Variants in QTMAN observed in about 807,000 individuals in gnomAD.
The protein encoded by QTMAN is tRNA-queuosine alpha-mannosyltransferase.
At chr2:144,197,319 G>GTATA in the QTMAN span, among the ~76,000 whole-genome samples, 41 of 143,618 alleles carry the variant, frequency 2.9e-4, no homozygotes, top group Admixed American at 6.3e-4. Context: ...GTGTGTGTGT[G>GTATA]TATATATATA....
At chr2:144,224,409 T>A in the QTMAN span, among the ~76,000 whole-genome samples, 4 of 152,266 alleles carry the variant, frequency 2.6e-5, no homozygotes, top group Admixed American at 6.5e-5. Flanking sequence ...TCCGCATGCT[T>A]GGGGATAAAT....
the QTMAN span, among the ~76,000 whole-genome samples, chr2:144,290,539 G>A: frequency 6.6e-6 from 1 of 151,886 alleles, no homozygotes; most frequent in Admixed American, 6.6e-5. Context: ...AAATCCTCTG[G>A]CTTTCCATAT....
the QTMAN span, among the ~76,000 whole-genome samples, chr2:144,051,358 TC>T: frequency 6.6e-6 from 1 of 152,132 alleles, no homozygotes; most frequent in African/African-American, 2.4e-5. Context: ...TGGTGAGACC[TC>T]ATCTCTACAA....
At chr2:144,066,335 A>G in the QTMAN span, among the ~76,000 whole-genome samples, 3 of 152,354 alleles carry the variant, frequency 2.0e-5, no homozygotes, top group South Asian at 6.2e-4. Flanking sequence ...TAGTGAAATG[A>G]ACCTGAAAAC....
At chr2:144,120,550 T>C in the QTMAN span, among the ~76,000 whole-genome samples, 2 of 152,258 alleles carry the variant, frequency 1.3e-5, no homozygotes, top group South Asian at 4.1e-4. Flanking sequence ...AATATCTTTA[T>C]GGATACATAA....
chr2:144,318,188 TAAATA>T, the QTMAN span, among the ~76,000 whole-genome samples: 1 of 132,918 alleles, frequency 7.5e-6, no homozygotes, highest in Non-Finnish European at 1.5e-5. Context: ...CTGCTCTATT[TAAATA>T]AACACACACA....
chr2:144,059,811 G>A, the QTMAN span, among the ~76,000 whole-genome samples: 28 of 151,972 alleles, frequency 1.8e-4, no homozygotes, highest in African/African-American at 3.4e-4. Context: ...TGGAATGCTC[G>A]TCCCCCTATT....
At chr2:143,968,361 T>C in the QTMAN span, among the ~76,000 whole-genome samples, 1 of 152,148 alleles carries the variant, frequency 6.6e-6, no homozygotes, top group Non-Finnish European at 1.5e-5. Flanking sequence ...TGCTGTTCAC[T>C]GTGGAATCCC....
the QTMAN span, among the ~76,000 whole-genome samples, chr2:144,279,050 G>C: frequency 6.6e-6 from 1 of 152,150 alleles, no homozygotes; most frequent in African/African-American, 2.4e-5. Flanking sequence ...CTCAAGTCAA[G>C]TTCAGTGGCA....
chr2:144,233,287 T>C, the QTMAN span, among the ~76,000 whole-genome samples: 1 of 152,158 alleles, frequency 6.6e-6, no homozygotes, highest in African/African-American at 2.4e-5. Context: ...AAAATGCAAC[T>C]GTAAAGAAAA....
At chr2:144,090,320 G>A in the QTMAN span, among the ~76,000 whole-genome samples, 1 of 151,966 alleles carries the variant, frequency 6.6e-6, no homozygotes, top group Non-Finnish European at 1.5e-5. Flanking sequence ...AAAAACGTCT[G>A]CTCTTACTAT....
At chr2:144,039,288 T>A in the QTMAN span, among the ~76,000 whole-genome samples, 1 of 151,918 alleles carries the variant, frequency 6.6e-6, no homozygotes, top group Non-Finnish European at 1.5e-5. Flanking sequence ...CGTCTCCCCC[T>A]CCCCCCTGCT....
At chr2:144,110,539 A>G in the QTMAN span, among the ~76,000 whole-genome samples, 2 of 152,078 alleles carry the variant, frequency 1.3e-5, no homozygotes, top group African/African-American at 4.8e-5. Flanking sequence ...TTAAAGTGTT[A>G]TAAAAAATAA....
chr2:144,251,035 C>T, the QTMAN span, among the ~76,000 whole-genome samples: 2 of 151,800 alleles, frequency 1.3e-5, no homozygotes, highest in African/African-American at 2.4e-5. Flanking sequence ...TTAAAATGAA[C>T]TTATAATGAG....
the QTMAN span, among the ~76,000 whole-genome samples, chr2:144,134,193 G>T: frequency 6.1e-4 from 92 of 151,528 alleles, no homozygotes; most frequent in African/African-American, 2.1e-3. Flanking sequence ...GTAAAATAGT[G>T]TTTTTTTTTA....
the QTMAN span, among the ~76,000 whole-genome samples, chr2:144,246,579 C>CAAAAAAA: frequency 4.3e-5 from 2 of 47,028 alleles, no homozygotes; most frequent in Admixed American, 2.2e-4. Context: ...GACTCCGTCT[C>CAAAAAAA]AAAAAAAAAA....
the QTMAN span, among the ~76,000 whole-genome samples, chr2:144,214,116 G>T: frequency 1.3e-5 from 2 of 151,804 alleles, no homozygotes; most frequent in Non-Finnish European, 2.9e-5. Context: ...TAAAACATGT[G>T]ACCAGTGATT....
chr2:144,166,482 T>C, the QTMAN span, among the ~76,000 whole-genome samples: 3 of 152,328 alleles, frequency 2.0e-5, no homozygotes. Flanking sequence ...TACTCACTCA[T>C]CTTTGTAACC....
chr2:144,074,129 T>G, the QTMAN span, among the ~76,000 whole-genome samples: 1 of 152,210 alleles, frequency 6.6e-6, no homozygotes, highest in East Asian at 1.9e-4. Flanking sequence ...AAAGGGGATA[T>G]GAATCTCTTA....
Sources: allele counts gnomAD v4.1 joint callset (sites outside exome capture counted in the v4.1 genomes callset), GRCh38; gene constraint gnomAD v4.1.1; transcripts MANE v1.5; gene names NCBI Gene and HGNC (gene_info 2026-07-23, HGNC 2026-07-21).